The following ZYG11B variants were observed in gnomAD, a reference collection of about 807,000 sequenced individuals.
ZYG11B encodes the protein zyg-11 family member B, cell cycle regulator, also known as protein zyg-11 homolog B.
Under a neutral mutation model 82.4 loss-of-function variants are expected in ZYG11B, and 36 were observed. The ratio of observed to expected loss-of-function variants is 0.44; its 90% CI spans 0.33 to 0.58. The LOEUF (loss-of-function observed/expected upper bound fraction) is 0.58, where lower values mean the gene tolerates loss of function less well. ZYG11B is among the 20% of genes least tolerant of loss of function. The pLI is 0.02. For synonymous variants in ZYG11B, 303 were observed against 312.8 expected (o/e 0.97, Z 0.33); for missense variants, 552 against 895.6 (o/e 0.62, Z 4.90).
chr1:52,770,671 C>T (rs1196106629), intron 2 of ZYG11B, among the ~76,000 whole-genome samples: 1 of 152,180 alleles, frequency 6.6e-6, no homozygotes, highest in Non-Finnish European at 1.5e-5. Context: ...GGTGCTTCAA[C>T]ATATAGTGCA....
At chr1:52,727,826 T>C (rs1050789662) in intron 1 of ZYG11B, among the ~76,000 whole-genome samples, 3 of 152,244 alleles carry the variant, frequency 2.0e-5, no homozygotes, top group Non-Finnish European at 2.9e-5. Flanking sequence ...GTACATTTAT[T>C]GAAAACATTG....
intron 10 of ZYG11B, among the ~76,000 whole-genome samples, chr1:52,802,340 CTTTTTTTTTTTTTTTT>C (rs397980205): frequency 2.6e-5 from 2 of 78,072 alleles, no homozygotes; most frequent in African/African-American, 5.0e-5. Flanking sequence ...TTCTTTCTCT[CTTTTTTTTTTTTTTTT>C]TTTTTTTTTG....
intron 2 of ZYG11B, among the ~76,000 whole-genome samples, chr1:52,761,247 CTG>C (rs573812001): frequency 1.1e-3 from 173 of 152,304 alleles, no homozygotes; most frequent in Non-Finnish European, 1.9e-3. Flanking sequence ...TTATTGTTAA[CTG>C]TAGTCATCAT....
chr1:52,805,984 C>T (rs996419361), intron 10 of ZYG11B, among the ~76,000 whole-genome samples: 3 of 152,048 alleles, frequency 2.0e-5, no homozygotes, highest in Non-Finnish European at 4.4e-5. Flanking sequence ...AACCTTTCGT[C>T]ATTTTTATCT....
intron 5 of ZYG11B, among the ~76,000 whole-genome samples, chr1:52,786,463 A>G (rs1644912665): frequency 6.6e-6 from 1 of 152,182 alleles, no homozygotes; most frequent in African/African-American, 2.4e-5. Flanking sequence ...CAATGTTCAC[A>G]GTAGGCCAGG....
chr1:52,735,217 A>G (rs1644369499), intron 1 of ZYG11B, among the ~76,000 whole-genome samples: 1 of 147,480 alleles, frequency 6.8e-6, no homozygotes, highest in Non-Finnish European at 1.5e-5. Flanking sequence ...TTTAGTAGAG[A>G]GGGGTTTCTC....
intron 1 of ZYG11B, among the ~76,000 whole-genome samples, chr1:52,742,624 C>T (rs1032570573): frequency 2.2e-4 from 33 of 152,114 alleles, no homozygotes; most frequent in Admixed American, 9.2e-4. Flanking sequence ...GGGCGGATCA[C>T]GAGGTCAGGA....
chr1:52,728,813 G>A (rs190361297), intron 1 of ZYG11B, among the ~76,000 whole-genome samples: 49 of 152,112 alleles, frequency 3.2e-4, no homozygotes, highest in African/African-American at 1.2e-3. Context: ...GGGGAAGAAT[G>A]CCTCATTGTG....
In ZYG11B at chr1:52,787,798, T is replaced by TA. The variant is rs34726355; in HGVS notation, c.1270-2193dup. On this transcript the variant is annotated intron_variant, in intron 5 of 13. Transcript: ENST00000294353. ...TAAAAACATTTAAAAACAACTCAAT[T>TA]AAAAAAAAAAAACCCTGGGAATTCA... Among the ~76,000 whole-genome samples, 102 of 148,648 alleles carry TA rather than the reference T, an allele frequency of 6.9e-4. 1 individual carries two copies. Among genetic ancestry groups the TA allele is most frequent in the East Asian group, 2.1e-3 (11 of 5,118 alleles).
intron 10 of ZYG11B, among the ~76,000 whole-genome samples, chr1:52,807,395 T>C (rs924100898): frequency 6.6e-6 from 1 of 152,016 alleles, no homozygotes; most frequent in Admixed American, 6.6e-5. Context: ...TTTTTTGTAG[T>C]GAGAGCATTT....
chr1:52,740,197 A>T (rs1352931155), intron 1 of ZYG11B, among the ~76,000 whole-genome samples: 1 of 152,202 alleles, frequency 6.6e-6, no homozygotes, highest in Non-Finnish European at 1.5e-5. Context: ...AATTCCTGTG[A>T]TCTGCTCAAT....
intron 1 of ZYG11B, among the ~76,000 whole-genome samples, chr1:52,728,948 A>G (rs1021262812): frequency 1.3e-5 from 2 of 152,176 alleles, no homozygotes; most frequent in African/African-American, 2.4e-5. Context: ...GGAAGGATGC[A>G]AGAATGGAGA....
chr1:52,812,120 G>T (rs1489955391), intron 10 of ZYG11B, among the ~76,000 whole-genome samples: 2 of 151,336 alleles, frequency 1.3e-5, no homozygotes, highest in African/African-American at 2.4e-5. Context: ...ATTTATAATA[G>T]CTGCTTTAAG....
chr1:52,803,097 TACATATATATATATATATATACACAC>T lies in ZYG11B; in HGVS notation c.1695+960_1695+985del, dbSNP rs1388833289. Among the ~76,000 whole-genome samples the T allele has an allele frequency of 9.5e-3, 428 of 44,832 alleles. 30 individuals are homozygous for T. The highest frequency in any genetic ancestry group is 0.037 in the African/African-American group (400 of 10,784). 29.4% of individuals were successfully genotyped at this position (44,832 alleles called of 152,430 possible). A position where few individuals can be genotyped will look rare whatever the true frequency, so the allele number is the denominator to read the frequency against. On this transcript the variant is annotated intron_variant, in intron 10 of 13. Transcript: ENST00000294353. ...ATATATATATATACACATATATATA[TACATATATATATATATATATACACAC>T]ATATATATATACACACATATATATA...
Position 52,726,552 on chromosome 1 carries a change from C to T in ZYG11B, c.-102C>T. 1 of 1,202,912 alleles carries T rather than the reference C, an allele frequency of 8.3e-7. No homozygotes were observed. Among genetic ancestry groups the T allele is most frequent in the Non-Finnish European group, 1.1e-6 (1 of 934,842 alleles). 74.5% of individuals were successfully genotyped at this position (1,202,912 alleles called of 1,614,324 possible). On this transcript the variant is annotated 5_prime_UTR_variant, in exon 1 of 14. Coordinates refer to ENST00000294353, the MANE Select transcript of ZYG11B (RefSeq NM_024646.3). Reference sequence around the variant, plus strand: ...GAAAGAGGCCGAGGCCTGGGCCAAGCCCGGAGCCGCCGCTCGCCGGAGCCT... The same window carrying T: ...GAAAGAGGCCGAGGCCTGGGCCAAGTCCGGAGCCGCCGCTCGCCGGAGCCT...
rs556827414 is a variant in ZYG11B at position 52,759,398 on chromosome 1, T to G, written c.196+2775T>G. ...AAATGCTTATTATTATGTCAGGCACTATAGCGAATGCTTTATATGGATAAG... is the reference window on the plus strand; with the variant it reads ...AAATGCTTATTATTATGTCAGGCACGATAGCGAATGCTTTATATGGATAAG... On this transcript the variant is annotated intron_variant, in intron 2 of 13. Coordinates refer to ENST00000294353, the MANE Select transcript of ZYG11B (RefSeq NM_024646.3). Among the ~76,000 whole-genome samples the G allele has an allele frequency of 1.4e-3, 220 of 152,376 alleles. 2 individuals carry two copies. In the South Asian group the frequency reaches 0.044, roughly 31 times the overall value.
At chr1:52,740,674 A>T (rs926427507) in intron 1 of ZYG11B, among the ~76,000 whole-genome samples, 1 of 148,350 alleles carries the variant, frequency 6.7e-6, no homozygotes, top group Non-Finnish European at 1.5e-5. Context: ...AGCAATTCTC[A>T]TGGCTGAGTC....
intron 10 of ZYG11B, among the ~76,000 whole-genome samples, chr1:52,802,981 C>G (rs1169374111): frequency 6.7e-6 from 1 of 148,292 alleles, no homozygotes; most frequent in African/African-American, 2.5e-5. Context: ...GATCACACCA[C>G]TGCACTCCAG....
At chr1:52,759,481 T>C (rs973152951) in intron 2 of ZYG11B, among the ~76,000 whole-genome samples, 17 of 152,248 alleles carry the variant, frequency 1.1e-4, no homozygotes, top group African/African-American at 4.1e-4. Context: ...GAGTAATGTC[T>C]TTGAGAAGCT....
Sources: allele counts gnomAD v4.1 joint callset (sites outside exome capture counted in the v4.1 genomes callset), GRCh38; gene constraint gnomAD v4.1.1; transcripts MANE v1.5; gene names NCBI Gene and HGNC (gene_info 2026-07-23, HGNC 2026-07-21).